STRN4: variants seen among roughly 807,000 people sequenced by gnomAD.
STRN4 encodes the protein striatin-4.
Under a neutral mutation model 77.9 loss-of-function variants are expected in STRN4, and 27 were observed. The ratio of observed to expected loss-of-function variants is 0.35; its 90% CI spans 0.26 to 0.48. The LOEUF is 0.48. STRN4 is among the 20% of genes least tolerant of loss of function. The pLI, the probability that STRN4 is intolerant of heterozygous loss-of-function variation, is 0.99. For missense variants in STRN4, 798 were observed against 1,049.7 expected, an observed-to-expected ratio of 0.76 and a Z score of 3.31; for synonymous variants, 466 against 443.1, an observed-to-expected ratio of 1.05 and a Z score of -0.65.
intron 9 of STRN4, 61 bp from the exon 10 acceptor site, chr19:46,725,709 C>A: frequency 6.4e-7 from 1 of 1,574,542 alleles, no homozygotes; most frequent in Non-Finnish European, 8.7e-7. Flanking sequence ...ATGCAGACAC[C>A]GACACCCAGG....
At chr19:46,728,090 G>A in intron 7 of STRN4, 83 bp from the exon 8 acceptor site, 4 of 1,248,050 alleles carry the variant, frequency 3.2e-6, no homozygotes, top group Non-Finnish European at 3.4e-6. Flanking sequence ...CACACTGAGG[G>A]CCCCCTGCCA....
At chr19:46,725,727 G>GC (rs1254949127) in intron 9 of STRN4, 79 bp from the exon 10 acceptor site, 4 of 1,536,190 alleles carry the variant, frequency 2.6e-6, no homozygotes, top group African/African-American at 1.4e-5. Context: ...AGGGCTTGAG[G>GC]GCCCCTGTCT....
Position 46,738,976 on chromosome 19 carries a change from C to T in STRN4, c.283-88G>A. 9.3e-7 allele frequency: 1 copy of T among 1,071,474 alleles called. No homozygotes were observed. The highest frequency in any genetic ancestry group is 1.8e-5 in the Admixed American group (1 of 55,940). 66.4% of individuals were successfully genotyped at this position (1,071,474 alleles called of 1,614,324 possible). On this transcript the variant is annotated intron_variant, in intron 1 of 17. Transcript: ENST00000263280. This position sits in a 1 kb window ranked among gnomAD's most constrained non-coding sequence, Gnocchi z 4.5. The stretch of plus-strand genomic sequence containing the variant: ...ATCACTCACCCAGGTATAGTGCCAG[C>T]CCACAGTCACCCCACAGTAATGGGC...
rs1440110538 is a variant in STRN4 at position 46,725,597 on chromosome 19, G to A, written c.1300C>T (p.Leu434=). The A allele has an allele frequency of 2.5e-6, 4 of 1,614,208 alleles. No individual in the cohort carries two copies. The highest frequency in any genetic ancestry group is 1.7e-5 in the Admixed American group (1 of 60,024). Residue 434 remains leucine, a synonymous_variant, in exon 10 of 18, where the codon CTG becomes TTG. Coordinates refer to ENST00000263280, the MANE Select transcript of STRN4 (RefSeq NM_013403.3). ...CGAATGCCGTCGTAGTGCGAGCGCA[G>A]GGTGAACTTGGGGTTCCACGTCTTC... is the stretch of plus-strand genomic sequence containing the variant. ...FKKTWNPKFT[L]RSHYDGIRSL...
At chr19:46,722,481 C>A in intron 14 of STRN4, 141 bp from the exon 15 acceptor site, 2 of 908,280 alleles carry the variant, frequency 2.2e-6, no homozygotes, top group African/African-American at 3.3e-5. Context: ...CACTCCGGTC[C>A]CCGACCGCAG....
intron 7 of STRN4, chr19:46,728,390 C>T: frequency 1.6e-6 from 1 of 640,360 alleles, no homozygotes; most frequent in Non-Finnish European, 2.7e-6. Context: ...GGCCCCACTT[C>T]AGGAAGAGCC....
chr19:46,721,263 C>CG, intron 16 of STRN4: 1 of 154,946 alleles, frequency 6.5e-6, no homozygotes, highest in Admixed American at 6.5e-5. Context: ...GCAGGCTGGG[C>CG]AGGGCCCTGG....
intron 1 of STRN4, among the ~76,000 whole-genome samples, chr19:46,742,810 C>T (rs1314409197): frequency 1.3e-5 from 2 of 152,230 alleles, no homozygotes; most frequent in African/African-American, 2.4e-5. Flanking sequence ...ATCCACCTGC[C>T]TTGGCCTCTC....
In STRN4 at chr19:46,741,792, T is replaced by C. The variant is rs186255881; in HGVS notation, c.283-2904A>G. ...TCCCAGGAGCTGATGCCTCTCTGAATTCGCTGCTTCCTGTCCCAGCTAGCT... is the reference window on the plus strand; with the variant it reads ...TCCCAGGAGCTGATGCCTCTCTGAACTCGCTGCTTCCTGTCCCAGCTAGCT... On this transcript the variant is annotated intron_variant, in intron 1 of 17. Transcript: ENST00000263280. This position sits in a 1 kb window ranked among gnomAD's most constrained non-coding sequence, Gnocchi z 4.9. 7.9e-5 allele frequency among the ~76,000 whole-genome samples: 12 copies of C among 152,346 alleles called. No individual in the cohort carries two copies. Among genetic ancestry groups the C allele is most frequent in the Admixed American group, 7.2e-4 (11 of 15,310 alleles).
chr19:46,737,573 C>T (rs2054392875), intron 3 of STRN4, among the ~76,000 whole-genome samples: 1 of 150,674 alleles, frequency 6.6e-6, no homozygotes, highest in Non-Finnish European at 1.5e-5. Flanking sequence ...CACTGTTTGC[C>T]CAGGCACACT....
intron 4 of STRN4, chr19:46,736,269 C>G (rs1389296365): frequency 2.6e-5 from 4 of 152,060 alleles, no homozygotes; most frequent in African/African-American, 7.2e-5. Flanking sequence ...GGAGCAGAAA[C>G]TGTCTCAAAA....
Position 46,719,675 on chromosome 19 carries a change from T to A in STRN4, c.*730A>T, listed in dbSNP as rs914457168. On this transcript the variant is annotated 3_prime_UTR_variant, in exon 18 of 18. Coordinates refer to ENST00000263280, the MANE Select transcript of STRN4 (RefSeq NM_013403.3). Reference sequence around the variant, plus strand: ...GAGTGGAGACAGGGAGGAGACTGACTGAGACCATCACACAGTGATAATGCG... The same window carrying A: ...GAGTGGAGACAGGGAGGAGACTGACAGAGACCATCACACAGTGATAATGCG... 1.3e-5 allele frequency: 2 copies of A among 150,472 alleles called. No homozygotes were observed. The highest frequency in any genetic ancestry group is 3.0e-5 in the Non-Finnish European group (2 of 67,328). The allele number at this position is 150,472 out of a possible 1,614,324, so 9.3% of individuals were successfully genotyped here.
chr19:46,742,340 C>A (rs1283926437), intron 1 of STRN4, among the ~76,000 whole-genome samples: 1 of 152,014 alleles, frequency 6.6e-6, no homozygotes, highest in African/African-American at 2.4e-5. Context: ...CAGGGTCGCA[C>A]GGCAGGTCTT....
chr19:46,724,005 T>G (rs775804447), intron 12 of STRN4, among the ~76,000 whole-genome samples: 17 of 152,110 alleles, frequency 1.1e-4, no homozygotes, highest in Non-Finnish European at 8.8e-5. Context: ...CCCAGCACTT[T>G]GGGAGGCCAA....
rs1027381249 is a variant in STRN4, at chr19:46,723,101, G to A, written c.1765+13C>T. ...GCACAGCTCCAGGGTGAGGCACCGG[G>A]GCCCCCACTCACCGCTGGCTGTGGG... is the stretch of plus-strand genomic sequence containing the variant. On this transcript the variant is annotated intron_variant, in intron 13 of 17. Coordinates refer to ENST00000263280, the MANE Select transcript of STRN4 (RefSeq NM_013403.3). This position sits in a 1 kb window ranked among gnomAD's most constrained non-coding sequence, Gnocchi z 5.5. 7.7e-6 allele frequency: 12 copies of A among 1,560,596 alleles called. No individual in the cohort carries two copies. The highest frequency in any genetic ancestry group is 2.4e-5 in the East Asian group (1 of 41,486).
chr19:46,738,949 C>CT lies in STRN4; in HGVS notation c.283-62dup. ...GGGCTCAGGCTCAATGCCGGTGTGTCTATCACTCACCCAGGTATAGTGCCA... is the reference window on the plus strand; with the variant it reads ...GGGCTCAGGCTCAATGCCGGTGTGTCTTATCACTCACCCAGGTATAGTGCCA... On this transcript the variant is annotated intron_variant, in intron 1 of 17. Transcript: ENST00000263280. This position sits in a 1 kb window ranked among gnomAD's most constrained non-coding sequence, Gnocchi z 4.5. The CT allele has an allele frequency of 7.1e-7, 1 of 1,416,550 alleles. No homozygotes were observed. Among genetic ancestry groups the CT allele is most frequent in the Non-Finnish European group, 9.9e-7 (1 of 1,008,868 alleles). 87.7% of individuals were successfully genotyped at this position (1,416,550 alleles called of 1,614,324 possible). A position where few individuals can be genotyped will look rare whatever the true frequency, so the allele number is the denominator to read the frequency against.
At position 46,722,295 on chromosome 19, in the gene STRN4, A is replaced by C; in HGVS notation, c.1952T>G (p.Leu651Arg). The part of the protein sequence containing the change: ...NQVVSHPNQP[L>R]TITAHDDRGI... Reference sequence around the variant, plus strand: ...CCTGTCGTCGTGGGCGGTGATGGTGAGAGGCTGGTTTGGATGACTCACCAC... The same window carrying C: ...CCTGTCGTCGTGGGCGGTGATGGTGCGAGGCTGGTTTGGATGACTCACCAC... Residue 651 changes from leucine (L) to arginine (R), a missense_variant, in exon 15 of 18, where the codon CTC becomes CGC. Physicochemically the swap from Leu to Arg is moderately radical, Grantham distance 102. Transcript: ENST00000263280. 1 of 1,614,106 alleles carries C rather than the reference A, an allele frequency of 6.2e-7. No individual in the cohort carries two copies. The highest frequency in any genetic ancestry group is 8.5e-7 in the Non-Finnish European group (1 of 1,180,002).
intron 9 of STRN4, chr19:46,726,249 G>A (rs924163345): frequency 2.0e-5 from 3 of 152,970 alleles, no homozygotes; most frequent in African/African-American, 7.2e-5. Flanking sequence ...TTCATCCTAA[G>A]AAAAAGCCTC....
chr19:46,739,913 G>A (rs905395546), intron 1 of STRN4, among the ~76,000 whole-genome samples: 1 of 152,140 alleles, frequency 6.6e-6, no homozygotes, highest in African/African-American at 2.4e-5. Flanking sequence ...TATTCTCCCT[G>A]TCCATTGTTC....
Sources: gnomAD v4.1 joint callset for allele counts (sites outside exome capture counted in the v4.1 genomes callset) on GRCh38, gnomAD v4.1.1 for gene constraint, Gnocchi (gnomAD v3.1) non-coding constraint, MANE v1.5 for transcripts, NCBI Gene and HGNC (gene_info 2026-07-23, HGNC 2026-07-21) for gene names.